The following CADPS variants were observed in gnomAD, a reference collection of about 807,000 sequenced individuals.
CADPS encodes the protein calcium-dependent secretion activator 1.
Under a neutral mutation model 167.3 loss-of-function variants are expected in CADPS, and 57 were observed. The observed-to-expected ratio is 0.34, with a 90% CI of 0.28 to 0.42. The LOEUF (loss-of-function observed/expected upper bound fraction) is 0.42, where lower values mean the gene tolerates loss of function less well. CADPS is among the 20% of genes least tolerant of loss of function. CADPS has a pLI of 1.00. For synonymous variants in CADPS, 676 were observed against 635.3 expected, an observed-to-expected ratio of 1.06 and a Z score of -0.96; for missense variants, 1,414 against 1,738.1, an observed-to-expected ratio of 0.81 and a Z score of 3.32.
chr3:62,771,910 C>T lies in CADPS; in HGVS notation c.442-5926G>A, dbSNP rs78722753. Among the ~76,000 whole-genome samples the T allele has an allele frequency of 4.5e-3, 689 of 152,248 alleles. 7 individuals carry two copies. Among genetic ancestry groups the T allele is most frequent in the South Asian group, 0.03 (147 of 4,820 alleles). ...GGAGAAAACGGCATGTTCTAAGTGT[C>T]GGTCTCAGGAGAGGCAATGCTGAAG... On this transcript the variant is annotated intron_variant, in intron 1 of 29. Coordinates refer to ENST00000383710, the MANE Select transcript of CADPS (RefSeq NM_003716.4).
At chr3:62,803,673 G>A (rs1348611016) in intron 1 of CADPS, among the ~76,000 whole-genome samples, 2 of 152,106 alleles carry the variant, frequency 1.3e-5, no homozygotes, top group Non-Finnish European at 2.9e-5. Flanking sequence ...AGGTGAATGT[G>A]AGTGTTAGCA....
At chr3:62,658,418 G>A (rs1432361420) in intron 4 of CADPS, among the ~76,000 whole-genome samples, 1 of 152,036 alleles carries the variant, frequency 6.6e-6, no homozygotes, top group Non-Finnish European at 1.5e-5. Context: ...GAAAGTGAGG[G>A]CCTATATCTG....
chr3:62,429,613 T>TTG (rs141798520), intron 28 of CADPS, among the ~76,000 whole-genome samples: 2,054 of 149,728 alleles, frequency 0.014, 45 homozygotes, highest in African/African-American at 0.043. Context: ...CTCTGTGTGT[T>TTG]TGTGTGTGTG....
intron 26 of CADPS, among the ~76,000 whole-genome samples, chr3:62,449,496 T>G (rs1449024410): frequency 6.6e-6 from 1 of 152,208 alleles, no homozygotes; most frequent in Non-Finnish European, 1.5e-5. Flanking sequence ...CACCTTTTCT[T>G]AAGTTATCCA....
At chr3:62,530,536 A>T in intron 13 of CADPS, 2 of 610,920 alleles carry the variant, frequency 3.3e-6, no homozygotes, top group Non-Finnish European at 4.4e-6. Context: ...GAAAATGCTT[A>T]AAGAGAGACT....
At position 62,601,881 on chromosome 3, in the gene CADPS, T is replaced by C. The variant is rs998944061; in HGVS notation, c.1326-9133A>G. ...GAGAAAATGAGGGAGAAGAATATGC[T>C]TTTGGGAGAGTGGAGCTCAGAAAAA... On this transcript the variant is annotated intron_variant, in intron 6 of 29. Transcript: ENST00000383710. The surrounding 1 kb of genome is among the most constrained non-coding windows in gnomAD (Gnocchi z 4.3). Among the ~76,000 whole-genome samples the C allele has an allele frequency of 5.3e-5, 8 of 152,164 alleles. No individual in the cohort carries two copies. Among genetic ancestry groups the C allele is most frequent in the Non-Finnish European group, 1.0e-4 (7 of 68,040 alleles).
At position 62,596,084 on chromosome 3, in the gene CADPS, T is replaced by G. The variant is rs2058870179; in HGVS notation, c.1326-3336A>C. On this transcript the variant is annotated intron_variant, in intron 6 of 29. Coordinates refer to ENST00000383710, the MANE Select transcript of CADPS (RefSeq NM_003716.4). ...TAATTAACTCCCGTTTTTATATATATGTATACACACACACACACACACACA... is the reference window on the plus strand; with the variant it reads ...TAATTAACTCCCGTTTTTATATATAGGTATACACACACACACACACACACA... Among the ~76,000 whole-genome samples, 3 of 137,618 alleles carry G rather than the reference T, an allele frequency of 2.2e-5. No homozygotes were observed. In the South Asian group the frequency reaches 7.2e-4, roughly 33 times the overall value. The allele number at this position is 137,618 out of a possible 152,430, so 90.3% of individuals were successfully genotyped here.
chr3:62,726,403 G>T (rs1056431957), intron 3 of CADPS, among the ~76,000 whole-genome samples: 2 of 151,810 alleles, frequency 1.3e-5, no homozygotes, highest in African/African-American at 4.9e-5. Flanking sequence ...TAAAACTTTG[G>T]TTCCAGACTA....
intron 28 of CADPS, among the ~76,000 whole-genome samples, chr3:62,437,723 G>C (rs1004834404): frequency 1.3e-5 from 2 of 152,176 alleles, no homozygotes; most frequent in African/African-American, 4.8e-5. Context: ...CCAGGAGAGG[G>C]AGTTGGTCTC....
intron 1 of CADPS, among the ~76,000 whole-genome samples, chr3:62,782,695 C>T (rs923046518): frequency 9.2e-5 from 14 of 151,478 alleles, no homozygotes; most frequent in East Asian, 5.8e-4. Flanking sequence ...AAAGTGGCCT[C>T]GAAAATTATC....
intron 27 of CADPS, among the ~76,000 whole-genome samples, chr3:62,441,358 G>C (rs1221882501): frequency 6.6e-6 from 1 of 152,182 alleles, no homozygotes; most frequent in African/African-American, 2.4e-5. Flanking sequence ...AGAAAAAGAA[G>C]AACATTTTAA....
At chr3:62,648,475 A>G (rs2069109154) in intron 5 of CADPS, among the ~76,000 whole-genome samples, 1 of 152,006 alleles carries the variant, frequency 6.6e-6, no homozygotes, top group African/African-American at 2.4e-5. Flanking sequence ...TGAGTCCAGG[A>G]GTTGAAGACC....
intron 23 of CADPS, among the ~76,000 whole-genome samples, chr3:62,476,609 C>T (rs943745228): frequency 6.6e-6 from 1 of 152,048 alleles, no homozygotes; most frequent in Non-Finnish European, 1.5e-5. Flanking sequence ...GTGTCTGAAC[C>T]GTGAAGACAT....
chr3:62,496,994 T>C (rs1433172692), intron 18 of CADPS, among the ~76,000 whole-genome samples: 2 of 152,194 alleles, frequency 1.3e-5, no homozygotes, highest in African/African-American at 4.8e-5. Flanking sequence ...TACTAAGTTT[T>C]AAAGTTGGTA....
At chr3:62,469,209 T>A (rs1305353540) in intron 24 of CADPS, among the ~76,000 whole-genome samples, 1 of 152,198 alleles carries the variant, frequency 6.6e-6, no homozygotes, top group Non-Finnish European at 1.5e-5. Context: ...CCTATTCAAG[T>A]AATTACAGAA....
In CADPS at chr3:62,403,173, T is replaced by G. The variant is rs199626657; in HGVS notation, c.3790A>C (p.Ser1264Arg). ...CAGGTGCAGATCACGTTCATGGAGC[T>G]GTTGTACCATTGCTGAAAAAAGAGA... The part of the protein sequence containing the change: ...IERLFDQWYN[S>R]SMNVICTWLT... The change falls in exon 29 of 30, where the codon AGC (serine) becomes CGC (arginine). Residue 1264 changes from serine to arginine, a missense_variant. Coordinates refer to ENST00000383710, the MANE Select transcript of CADPS (RefSeq NM_003716.4). 1.2e-6 allele frequency: 2 copies of G among 1,612,668 alleles called. No homozygotes were observed. The highest frequency in any genetic ancestry group is 2.2e-5 in the South Asian group (2 of 90,974).
chr3:62,421,942 G>A lies in CADPS; in HGVS notation c.3777+16162C>T, dbSNP rs563878247. Among the ~76,000 whole-genome samples, 17 of 152,312 alleles carry A rather than the reference G, an allele frequency of 1.1e-4. No individual in the cohort carries two copies. Among genetic ancestry groups the A allele is most frequent in the Non-Finnish European group, 2.2e-4 (15 of 68,026 alleles). On this transcript the variant is annotated intron_variant, in intron 28 of 29. Coordinates refer to ENST00000383710, the MANE Select transcript of CADPS (RefSeq NM_003716.4). This position sits in a 1 kb window ranked among gnomAD's most constrained non-coding sequence, Gnocchi z 4.7. ...TTATTCTTTTTTCCTTTGTAAAGCA[G>A]GTTGTGTTATTTACATATTTCTTTT...
chr3:62,517,640 T>C (rs533033383), intron 14 of CADPS, among the ~76,000 whole-genome samples: 1 of 152,294 alleles, frequency 6.6e-6, no homozygotes, highest in African/African-American at 2.4e-5. Flanking sequence ...GTGGGCTATG[T>C]GATGTAAGGC....
chr3:62,564,818 G>T (rs1252882661), intron 9 of CADPS, among the ~76,000 whole-genome samples: 1 of 151,978 alleles, frequency 6.6e-6, no homozygotes, highest in Non-Finnish European at 1.5e-5. Context: ...TATTGGCCAG[G>T]CTGGTCTCGA....
Sources: gnomAD v4.1 joint callset for allele counts (sites outside exome capture counted in the v4.1 genomes callset) on GRCh38, gnomAD v4.1.1 for gene constraint, Gnocchi (gnomAD v3.1) non-coding constraint, MANE v1.5 for transcripts, NCBI Gene and HGNC (gene_info 2026-07-23, HGNC 2026-07-21) for gene names.